The following CSNK2A2 variants were observed in gnomAD, a reference collection of about 807,000 sequenced individuals.
CSNK2A2 encodes the protein casein kinase 2 alpha 2.
CSNK2A2 carries 8 observed loss-of-function variants against 54.0 expected under a neutral mutation model. The observed-to-expected ratio is 0.15, with a 90% CI of 0.09 to 0.27. The LOEUF is 0.27. Among genes scored for constraint, CSNK2A2 ranks in the 10% least tolerant of loss-of-function variants. The pLI is 1.00. For synonymous variants in CSNK2A2, 141 were observed against 153.9 expected, an observed-to-expected ratio of 0.92 and a Z score of 0.62; for missense variants, 242 against 439.4, an observed-to-expected ratio of 0.55 and a Z score of 4.02.
At chr16:58,181,077 G>A (rs1597119123) in intron 4 of CSNK2A2, among the ~76,000 whole-genome samples, 1 of 152,130 alleles carries the variant, frequency 6.6e-6, no homozygotes, top group South Asian at 2.1e-4. Context: ...AACATTCAAA[G>A]GGGACCTCCA....
intron 2 of CSNK2A2, among the ~76,000 whole-genome samples, chr16:58,189,999 A>G (rs1223302320): frequency 6.6e-6 from 1 of 152,194 alleles, no homozygotes; most frequent in Non-Finnish European, 1.5e-5. Flanking sequence ...AAATAAACCT[A>G]GTTTTACAGA....
At chr16:58,169,129 T>G (rs1961659279) in intron 5 of CSNK2A2, among the ~76,000 whole-genome samples, 1 of 152,056 alleles carries the variant, frequency 6.6e-6, no homozygotes, top group Admixed American at 6.5e-5. Context: ...GGTTTCACCG[T>G]GTTAGCCAGG....
chr16:58,160,966 A>G (rs185663348), intron 11 of CSNK2A2: 2 of 152,334 alleles, frequency 1.3e-5, no homozygotes, highest in Non-Finnish European at 2.9e-5. Context: ...AAGTGCCTCA[A>G]TGAACGACAT....
intron 2 of CSNK2A2, among the ~76,000 whole-genome samples, chr16:58,195,358 G>A (rs963802716): frequency 2.0e-5 from 3 of 152,106 alleles, no homozygotes; most frequent in Admixed American, 6.5e-5. Context: ...ACTAGGCTAG[G>A]ATGTTTTGAG....
chr16:58,188,152 A>G (rs1171702840), intron 2 of CSNK2A2, among the ~76,000 whole-genome samples: 1 of 152,176 alleles, frequency 6.6e-6, no homozygotes, highest in Non-Finnish European at 1.5e-5. Flanking sequence ...AGAGAAGGAG[A>G]GGACTATGAA....
chr16:58,195,059 G>A (rs1962399824), intron 2 of CSNK2A2, among the ~76,000 whole-genome samples: 1 of 151,946 alleles, frequency 6.6e-6, no homozygotes, highest in Admixed American at 6.6e-5. Context: ...GTGGAATATG[G>A]ATATTCCTAA....
intron 2 of CSNK2A2, among the ~76,000 whole-genome samples, chr16:58,189,483 T>C (rs1481449465): frequency 6.6e-6 from 1 of 152,196 alleles, no homozygotes; most frequent in African/African-American, 2.4e-5. Flanking sequence ...AACCCATTAG[T>C]TGCCTTTATG....
In CSNK2A2 at chr16:58,197,865, C is replaced by T. The variant is rs1329174770; in HGVS notation, c.-129G>A. 2 of 111,114 alleles carry T rather than the reference C, an allele frequency of 1.8e-5. No homozygotes were observed. The highest frequency in any genetic ancestry group is 3.5e-5 in the Non-Finnish European group (2 of 56,560). 6.9% of individuals were successfully genotyped at this position (111,114 alleles called of 1,614,324 possible). A position where few individuals can be genotyped will look rare whatever the true frequency, so the allele number is the denominator to read the frequency against. On this transcript the variant is annotated 5_prime_UTR_variant, in exon 1 of 12. Coordinates refer to ENST00000262506, the MANE Select transcript of CSNK2A2 (RefSeq NM_001896.4). The surrounding 1 kb of genome is among the most constrained non-coding windows in gnomAD (Gnocchi z 4.0). ...TGGAGGAGGAGGAGGAGGAGCGCGG[C>T]GGCGGGCGGCCGCGCCAGGCCGGGC...
At chr16:58,196,526 A>G (rs938025710) in intron 2 of CSNK2A2, among the ~76,000 whole-genome samples, 2 of 152,160 alleles carry the variant, frequency 1.3e-5, no homozygotes, top group African/African-American at 4.8e-5. Flanking sequence ...GGAGGCTGAG[A>G]TGGATCACTG....
intron 4 of CSNK2A2, among the ~76,000 whole-genome samples, chr16:58,179,006 T>C (rs1369906242): frequency 6.6e-6 from 1 of 152,062 alleles, no homozygotes; most frequent in Non-Finnish European, 1.5e-5. Flanking sequence ...ACTGAAACAA[T>C]AATTATAGAG....
chr16:58,179,690 G>A (rs1961977645), intron 4 of CSNK2A2, among the ~76,000 whole-genome samples: 1 of 152,158 alleles, frequency 6.6e-6, no homozygotes, highest in Non-Finnish European at 1.5e-5. Flanking sequence ...TGCACTTCTA[G>A]TTTGAAAACT....
intron 4 of CSNK2A2, among the ~76,000 whole-genome samples, chr16:58,183,141 C>A (rs890269221): frequency 4.0e-5 from 6 of 151,788 alleles, no homozygotes; most frequent in Non-Finnish European, 2.9e-5. Context: ...GGGTGGATCA[C>A]CTGAGGTCAG....
chr16:58,188,444 C>T lies in CSNK2A2; in HGVS notation c.217-1588G>A, dbSNP rs928339618. Among the ~76,000 whole-genome samples the T allele has an allele frequency of 1.6e-4, 25 of 152,320 alleles. 1 individual carries two copies. Among genetic ancestry groups the T allele is most frequent in the African/African-American group, 2.6e-4 (11 of 41,582 alleles). On this transcript the variant is annotated intron_variant, in intron 2 of 11. Coordinates refer to ENST00000262506, the MANE Select transcript of CSNK2A2 (RefSeq NM_001896.4). ...AGGGAAGGACACACTACAAAATAACCGGCCTGTAAGATCAAACACGTCAAT... is the reference window on the plus strand; with the variant it reads ...AGGGAAGGACACACTACAAAATAACTGGCCTGTAAGATCAAACACGTCAAT...
chr16:58,192,543 A>T (rs1248612472), intron 2 of CSNK2A2: 1 of 152,162 alleles, frequency 6.6e-6, no homozygotes, highest in African/African-American at 2.4e-5. Context: ...TGTGGATACT[A>T]ATCATAGAGA....
intron 11 of CSNK2A2, chr16:58,163,836 G>C (rs1961478200): frequency 2.4e-6 from 1 of 419,246 alleles, no homozygotes; most frequent in Admixed American, 4.2e-5. Flanking sequence ...AGCTCCTTCA[G>C]ATCCTGAACT....
chr16:58,186,000 C>T (rs1168126478), intron 3 of CSNK2A2, among the ~76,000 whole-genome samples: 1 of 152,192 alleles, frequency 6.6e-6, no homozygotes, highest in Non-Finnish European at 1.5e-5. Context: ...AAGCAAAAAC[C>T]TATTTCTTTA....
intron 5 of CSNK2A2, chr16:58,173,903 G>C (rs1222330616): frequency 6.6e-6 from 1 of 152,298 alleles, no homozygotes; most frequent in Non-Finnish European, 1.5e-5. Flanking sequence ...TATACATTGA[G>C]GTTTCCCTCT....
intron 4 of CSNK2A2, among the ~76,000 whole-genome samples, chr16:58,182,391 A>AC (rs1202276455): frequency 6.9e-6 from 1 of 145,284 alleles, no homozygotes; most frequent in Non-Finnish European, 1.5e-5. Context: ...AAAAAAAAAA[A>AC]AAAAAAAAAA....
intron 4 of CSNK2A2, among the ~76,000 whole-genome samples, chr16:58,176,679 C>T (rs1961887902): frequency 6.6e-6 from 1 of 152,192 alleles, no homozygotes; most frequent in Non-Finnish European, 1.5e-5. Flanking sequence ...TCTAGCCCTA[C>T]TCCACCTTAG....
Sources: allele counts gnomAD v4.1 joint callset (sites outside exome capture counted in the v4.1 genomes callset), GRCh38; gene constraint gnomAD v4.1.1; non-coding constraint Gnocchi (gnomAD v3.1); transcripts MANE v1.5; gene names NCBI Gene and HGNC (gene_info 2026-07-23, HGNC 2026-07-21).